Variants in SH3BP5L observed in about 807,000 individuals in gnomAD.
SH3BP5L encodes the protein SH3 domain-binding protein 5-like.
SH3BP5L carries 16 observed loss-of-function variants against 40.9 expected under a neutral mutation model. That is an observed-to-expected ratio of 0.39 (90% confidence interval 0.27 to 0.59). The LOEUF (loss-of-function observed/expected upper bound fraction) is 0.59, where lower values mean the gene tolerates loss of function less well. Among genes scored for constraint, SH3BP5L ranks in the 20% least tolerant of loss-of-function variants. The pLI is 0.53. For synonymous variants in SH3BP5L, 229 were observed against 226.7 expected, an observed-to-expected ratio of 1.01 and a Z score of -0.09; for missense variants, 471 against 544.6, an observed-to-expected ratio of 0.86 and a Z score of 1.35.
chr1:248,824,864 C>T lies in SH3BP5L; in HGVS notation c.72G>A (p.Glu24=), dbSNP rs760227793. The T allele has an allele frequency of 6.2e-7, 1 of 1,614,170 alleles. No individual in the cohort carries two copies. The highest frequency in any genetic ancestry group is 2.2e-5 in the East Asian group (1 of 44,888). Reference sequence around the variant, plus strand: ...CGACTGGGCTCCTAGGGACTTCATCCTCTACAACTTCAGGCCGCAGCTCCC... The same window carrying T: ...CGACTGGGCTCCTAGGGACTTCATCTTCTACAACTTCAGGCCGCAGCTCCC... ...PQGELRPEVV[E]DEVPRSPVAE... is the part of the protein sequence containing the mutation. Residue 24 remains glutamate (E), a synonymous_variant, in exon 2 of 7, where the codon GAG becomes GAA. Coordinates refer to ENST00000366472, the MANE Select transcript of SH3BP5L (RefSeq NM_030645.3).
chr1:248,811,267 G>A lies in SH3BP5L; in HGVS notation c.*633C>T, dbSNP rs138405719. 3.9e-3 allele frequency: 594 copies of A among 152,484 alleles called. 7 individuals are homozygous for A. Among genetic ancestry groups the A allele is most frequent in the South Asian group, 0.019 (90 of 4,826 alleles). The allele number at this position is 152,484 out of a possible 1,614,324, so 9.4% of individuals were successfully genotyped here. On this transcript the variant is annotated 3_prime_UTR_variant, in exon 7 of 7. Transcript: ENST00000366472. ...GCAGGCCCTGTAAGTTCTGCTTTGG[G>A]GCACACATCGCAGAGTGCCTCAGGT...
intron 4 of SH3BP5L, among the ~76,000 whole-genome samples, chr1:248,815,666 G>A (rs938722762): frequency 1.3e-5 from 2 of 152,120 alleles, no homozygotes; most frequent in African/African-American, 4.8e-5. Context: ...CGACCAAGCC[G>A]ATATTTCCTC....
Position 248,812,719 on chromosome 1 carries a change from A to G in SH3BP5L, c.711+270T>C, listed in dbSNP as rs1006624229. Among the ~76,000 whole-genome samples the G allele has an allele frequency of 6.6e-6, 1 of 151,662 alleles. No homozygotes were observed. The highest frequency in any genetic ancestry group is 2.4e-5 in the African/African-American group (1 of 41,256). Reference sequence around the variant, plus strand: ...ACCCAATGGCTGGTTCTTCTTCCCCATCCCAGATTTCCACCAGTTCTTTTC... The same window carrying G: ...ACCCAATGGCTGGTTCTTCTTCCCCGTCCCAGATTTCCACCAGTTCTTTTC... On this transcript the variant is annotated intron_variant, in intron 6 of 6. Transcript: ENST00000366472. The surrounding 1 kb of genome is among the most constrained non-coding windows in gnomAD (Gnocchi z 6.1).
chr1:248,817,935 A>G (rs2103015981), intron 2 of SH3BP5L, among the ~76,000 whole-genome samples: 1 of 152,370 alleles, frequency 6.6e-6, no homozygotes, highest in East Asian at 1.9e-4. Flanking sequence ...TTGGCAGGTG[A>G]GAAGGTCAGT....
At position 248,812,411 on chromosome 1, in the gene SH3BP5L, G is replaced by A. The variant is rs1663972667; in HGVS notation, c.712-41C>T. On this transcript the variant is annotated intron_variant, in intron 6 of 6. Coordinates refer to ENST00000366472, the MANE Select transcript of SH3BP5L (RefSeq NM_030645.3). The surrounding 1 kb of genome is among the most constrained non-coding windows in gnomAD (Gnocchi z 6.1). ...CAGAGCAAGGCGACCCATGGGGCAC[G>A]TCTCCACCTTCCTCAGCACTCTGCA... 1.3e-6 allele frequency: 2 copies of A among 1,498,464 alleles called. No individual in the cohort carries two copies. The highest frequency in any genetic ancestry group is 2.3e-5 in the East Asian group (1 of 44,102). The allele number at this position is 1,498,464 out of a possible 1,614,324, so 92.8% of individuals were successfully genotyped here.
chr1:248,822,014 T>A (rs1664265074), intron 2 of SH3BP5L, among the ~76,000 whole-genome samples: 1 of 152,100 alleles, frequency 6.6e-6, no homozygotes, highest in African/African-American at 2.4e-5. Context: ...AACATCAGAA[T>A]CCCTTCTCAC....
intron 2 of SH3BP5L, among the ~76,000 whole-genome samples, chr1:248,819,202 C>G (rs911833638): frequency 1.3e-5 from 2 of 152,060 alleles, no homozygotes; most frequent in East Asian, 1.9e-4. Flanking sequence ...AGGTAGAAAC[C>G]TGTAATGGAA....
intron 2 of SH3BP5L, among the ~76,000 whole-genome samples, chr1:248,819,480 T>C (rs527899946): frequency 1.3e-3 from 192 of 151,478 alleles, no homozygotes; most frequent in African/African-American, 4.2e-3. Context: ...GGTGGGAAGA[T>C]TGCCTGAGCT....
chr1:248,815,333 T>C (rs1664076760), intron 4 of SH3BP5L, among the ~76,000 whole-genome samples: 2 of 152,176 alleles, frequency 1.3e-5, no homozygotes, highest in African/African-American at 4.8e-5. Context: ...TGTATAGTTA[T>C]TGACATGGAA....
chr1:248,825,164 T>C lies in SH3BP5L; in HGVS notation c.-229A>G, dbSNP rs1664345087. ...CCTTGTCTGTGCAAAAGTTCTTCCC[T>C]TCCCGCCACAGGGAGTCCACTGTGA... On this transcript the variant is annotated 5_prime_UTR_variant, in exon 2 of 7. Transcript: ENST00000366472. The C allele has an allele frequency of 7.7e-7, 1 of 1,298,076 alleles. No individual in the cohort carries two copies. Among genetic ancestry groups the C allele is most frequent in the South Asian group, 2.1e-5 (1 of 47,178 alleles). The allele number at this position is 1,298,076 out of a possible 1,614,324, so 80.4% of individuals were successfully genotyped here. A position where few individuals can be genotyped will look rare whatever the true frequency, so the allele number is the denominator to read the frequency against.
rs774297070 is a variant in SH3BP5L, at chr1:248,811,937, G to C, written c.1145C>G (p.Ala382Gly). 14 of 1,553,876 alleles carry C rather than the reference G, an allele frequency of 9.0e-6. No individual in the cohort carries two copies. Among genetic ancestry groups the C allele is most frequent in the African/African-American group, 1.4e-5 (1 of 73,686 alleles). ...GCTGCGCTGGTGCCGACCCCCACGG[G>C]CTCCGCCGTCGCTGCCCCGGCGCCC... ...SGGRRGSDGG[A>G]RGGRHQRSVS... Residue 382 changes from alanine to glycine, a missense_variant, in exon 7 of 7, where the codon GCC (alanine) becomes GGC (glycine). This residue lies in a region of SH3BP5L where 196 missense variants were observed against 174.6 expected (regional missense o/e 1.12). Coordinates refer to ENST00000366472, the MANE Select transcript of SH3BP5L (RefSeq NM_030645.3).
rs1343097471 is a variant in SH3BP5L, at chr1:248,821,479, G to C, written c.183+3274C>G. Among the ~76,000 whole-genome samples the C allele has an allele frequency of 6.6e-6, 1 of 152,140 alleles. No individual in the cohort carries two copies. The highest frequency in any genetic ancestry group is 1.5e-5 in the Non-Finnish European group (1 of 68,026). On this transcript the variant is annotated intron_variant, in intron 2 of 6. Transcript: ENST00000366472. The surrounding 1 kb of genome is among the most constrained non-coding windows in gnomAD (Gnocchi z 4.6). ...CTCAAACTAATGGTAACTGGGGCCA[G>C]GGTGATGACTGTCCTGTGAAAGCTA...
In SH3BP5L at chr1:248,811,828, A is replaced by T. The variant is rs1253024282; in HGVS notation, c.*72T>A. ...TCGGGAAGACGAGGCCCCAGAGGAG[A>T]GGGCGTGAGAAGACTGTGGGCCCCA... On this transcript the variant is annotated 3_prime_UTR_variant, in exon 7 of 7. Transcript: ENST00000366472. 3 of 1,116,218 alleles carry T rather than the reference A, an allele frequency of 2.7e-6. No individual in the cohort carries two copies. In the East Asian group the frequency reaches 7.9e-5, roughly 29 times the overall value. 69.1% of individuals were successfully genotyped at this position (1,116,218 alleles called of 1,614,324 possible).
At position 248,813,140 on chromosome 1, in the gene SH3BP5L, C is replaced by T. The variant is rs754498353; in HGVS notation, c.560G>A (p.Arg187Gln). Reference sequence around the variant, plus strand: ...CTGGTGCTCCCGCTCACCTCGAAGCCGCTCTTCCTCCGCCTCATTCACCTG... The same window carrying T: ...CTGGTGCTCCCGCTCACCTCGAAGCTGCTCTTCCTCCGCCTCATTCACCTG... The part of the protein sequence containing the change: ...TCKVNEAEEE[R>Q]LRGEREHQRV... The change falls in exon 6 of 7, where the codon CGG becomes CAG. Residue 187 changes from arginine to glutamine, a missense_variant. By Grantham distance (43) the Arg-to-Gln change is conservative. Transcript: ENST00000366472. 1.7e-5 allele frequency: 28 copies of T among 1,600,724 alleles called. No homozygotes were observed. Among genetic ancestry groups the T allele is most frequent in the Non-Finnish European group, 2.1e-5 (25 of 1,173,230 alleles).
At chr1:248,820,070 G>C (rs577588301) in intron 2 of SH3BP5L, among the ~76,000 whole-genome samples, 1 of 152,058 alleles carries the variant, frequency 6.6e-6, no homozygotes, top group East Asian at 1.9e-4. Context: ...TTCACAATCC[G>C]TATGCACTTG....
intron 5 of SH3BP5L, chr1:248,814,197 G>C (rs1225994943): frequency 3.7e-6 from 2 of 542,730 alleles, no homozygotes; most frequent in East Asian, 6.3e-5. Flanking sequence ...TGAATTGTTT[G>C]GGTTAGTCCC....
intron 2 of SH3BP5L, among the ~76,000 whole-genome samples, chr1:248,817,238 G>A (rs546635231): frequency 6.6e-6 from 1 of 152,196 alleles, no homozygotes; most frequent in African/African-American, 2.4e-5. Flanking sequence ...TCAAACTGAG[G>A]GAGTCTCCTT....
chr1:248,820,621 C>T (rs1457435795), intron 2 of SH3BP5L: 3 of 152,198 alleles, frequency 2.0e-5, no homozygotes, highest in Non-Finnish European at 2.9e-5. Context: ...TCCACTGTGA[C>T]CACCCTCCTG....
In SH3BP5L at chr1:248,825,084, C is replaced by T; in HGVS notation, c.-149G>A. The T allele has an allele frequency of 7.0e-7, 1 of 1,424,876 alleles. No individual in the cohort carries two copies. The highest frequency in any genetic ancestry group is 9.1e-7 in the Non-Finnish European group (1 of 1,094,600). 88.3% of individuals were successfully genotyped at this position (1,424,876 alleles called of 1,614,324 possible). On this transcript the variant is annotated 5_prime_UTR_variant, in exon 2 of 7. Coordinates refer to ENST00000366472, the MANE Select transcript of SH3BP5L (RefSeq NM_030645.3). ...GAAAAGGTGGGCACAGGAAGAACCT[C>T]ACACTAGGTTAGAGGTTGAGATTCA...
Sources: allele counts gnomAD v4.1 joint callset (sites outside exome capture counted in the v4.1 genomes callset), GRCh38; gene constraint gnomAD v4.1.1; regional missense constraint gnomAD v4.1.1; non-coding constraint Gnocchi (gnomAD v3.1); transcripts MANE v1.5; gene names NCBI Gene and HGNC (gene_info 2026-07-23, HGNC 2026-07-21).